DNM3: variants seen among roughly 807,000 people sequenced by gnomAD.
DNM3 encodes the protein dynamin-3.
In DNM3, 47 loss-of-function variants were observed where a neutral mutation model predicts 101.6. The observed-to-expected ratio is 0.46, with a 90% CI of 0.37 to 0.59. The LOEUF (loss-of-function observed/expected upper bound fraction) is 0.59, where lower values mean the gene tolerates loss of function less well. Ranked by LOEUF, DNM3 falls within the 20% of genes least tolerant of loss-of-function variation. DNM3 has a pLI of 0.00. For synonymous variants in DNM3, 385 were observed against 387.9 expected, an observed-to-expected ratio of 0.99 and a Z score of 0.09; for missense variants, 849 against 1,085.7, an observed-to-expected ratio of 0.78 and a Z score of 3.06.
intron 4 of DNM3, among the ~76,000 whole-genome samples, chr1:171,991,891 C>T (rs1378505211): frequency 6.6e-6 from 1 of 152,218 alleles, no homozygotes; most frequent in Non-Finnish European, 1.5e-5. Flanking sequence ...CCAGATGAAG[C>T]TTCATGGAGG....
At position 172,412,321 on chromosome 1, in the gene DNM3, A is replaced by T; in HGVS notation, c.*4480A>T. 2.0e-6 allele frequency: 2 copies of T among 985,504 alleles called. No individual in the cohort carries two copies. The highest frequency in any genetic ancestry group is 2.4e-6 in the Non-Finnish European group (2 of 829,896). 61.0% of individuals were successfully genotyped at this position (985,504 alleles called of 1,614,324 possible). A position where few individuals can be genotyped will look rare whatever the true frequency, so the allele number is the denominator to read the frequency against. ...CTAACCACTTGCCTTGTCTGCTACC[A>T]GTTTGTTAAAAATTATTCCCCCCAA... is the stretch of plus-strand genomic sequence containing the variant. On this transcript the variant is annotated 3_prime_UTR_variant, in exon 21 of 21. Transcript: ENST00000627582.
chr1:172,116,469 G>A (rs903762695), intron 13 of DNM3, among the ~76,000 whole-genome samples: 3 of 152,148 alleles, frequency 2.0e-5, no homozygotes, highest in Admixed American at 6.5e-5. Flanking sequence ...CATTTGGTGC[G>A]AATCCAAAGC....
chr1:172,214,790 A>T (rs1319236671), intron 14 of DNM3, among the ~76,000 whole-genome samples: 5 of 152,106 alleles, frequency 3.3e-5, no homozygotes, highest in African/African-American at 1.2e-4. Flanking sequence ...CAATAGTAAC[A>T]CTGAGAGAAT....
intron 13 of DNM3, among the ~76,000 whole-genome samples, chr1:172,126,553 A>T (rs892770576): frequency 6.6e-6 from 1 of 152,218 alleles, no homozygotes; most frequent in South Asian, 2.1e-4. Flanking sequence ...GGACTAAATG[A>T]TGTTTAATAA....
chr1:172,215,265 A>G (rs1342848048), intron 14 of DNM3, among the ~76,000 whole-genome samples: 2 of 152,098 alleles, frequency 1.3e-5, no homozygotes, highest in African/African-American at 4.8e-5. Flanking sequence ...TGGAACATAT[A>G]AAATAACAAT....
chr1:172,059,007 G>T (rs1441423278), intron 10 of DNM3, among the ~76,000 whole-genome samples: 1 of 152,132 alleles, frequency 6.6e-6, no homozygotes, highest in Non-Finnish European at 1.5e-5. Context: ...AAATGATAAA[G>T]GGGATATCAC....
chr1:172,267,950 G>T (rs2062933412), intron 15 of DNM3, among the ~76,000 whole-genome samples: 1 of 152,154 alleles, frequency 6.6e-6, no homozygotes, highest in Non-Finnish European at 1.5e-5. Flanking sequence ...CTGACCTCGT[G>T]ATTCACCCAC....
intron 14 of DNM3, among the ~76,000 whole-genome samples, chr1:172,213,583 C>T (rs546179298): frequency 2.7e-5 from 4 of 148,690 alleles, no homozygotes; most frequent in Admixed American, 1.3e-4. Flanking sequence ...GTAATCCTAG[C>T]GCTTCAGGAG....
Position 172,334,861 on chromosome 1 carries a change from T to TA in DNM3, c.1893+11530dup, listed in dbSNP as rs540950567. On this transcript the variant is annotated intron_variant, in intron 17 of 20. Coordinates refer to ENST00000627582, the MANE Select transcript of DNM3 (RefSeq NM_015569.5). ...TTGTGAACATATGTCTTTCACTAAATAAAAAAAAACTAATTTTTATAAATT... is the reference window on the plus strand; with the variant it reads ...TTGTGAACATATGTCTTTCACTAAATAAAAAAAAAACTAATTTTTATAAATT... Among the ~76,000 whole-genome samples, 742 of 151,612 alleles carry TA rather than the reference T, an allele frequency of 4.9e-3. 2 individuals are homozygous for TA. Among genetic ancestry groups the TA allele is most frequent in the African/African-American group, 0.011 (475 of 41,374 alleles).
downstream of DNM3, among the ~76,000 whole-genome samples, chr1:172,414,447 G>T (rs981543982): frequency 6.6e-6 from 1 of 152,162 alleles, no homozygotes; most frequent in African/African-American, 2.4e-5. Flanking sequence ...AGACTTCACA[G>T]AAACCTTAAA....
intron 2 of DNM3, among the ~76,000 whole-genome samples, chr1:171,984,045 T>C (rs2045043095): frequency 6.6e-6 from 1 of 152,206 alleles, no homozygotes; most frequent in African/African-American, 2.4e-5. Context: ...GATGCTTCTC[T>C]TTCTCTCATA....
Position 172,071,086 on chromosome 1 carries a change from C to CATATATATATATATATATATAT in DNM3, c.1422+2194_1422+2215dup, listed in dbSNP as rs56255511. The stretch of plus-strand genomic sequence containing the variant: ...GCCTGGGTGACAGAGCAAGACCCTG[C>CATATATATATATATATATATAT]ATATATATATATATATATATATATA... On this transcript the variant is annotated intron_variant, in intron 11 of 20. Coordinates refer to ENST00000627582, the MANE Select transcript of DNM3 (RefSeq NM_015569.5). Among the ~76,000 whole-genome samples, 154 of 65,042 alleles carry CATATATATATATATATATATAT rather than the reference C, an allele frequency of 2.4e-3. 3 individuals are homozygous for CATATATATATATATATATATAT. The highest frequency in any genetic ancestry group is 3.1e-3 in the African/African-American group (41 of 13,020). The allele number at this position is 65,042 out of a possible 152,430, so 42.7% of individuals were successfully genotyped here. A position where few individuals can be genotyped will look rare whatever the true frequency, so the allele number is the denominator to read the frequency against.
Position 172,042,125 on chromosome 1 carries a change from T to C in DNM3, c.1109T>C (p.Phe370Ser). The C allele has an allele frequency of 6.2e-7, 1 of 1,606,812 alleles. No individual in the cohort carries two copies. Among genetic ancestry groups the C allele is most frequent in the Non-Finnish European group, 8.5e-7 (1 of 1,178,060 alleles). The change falls in exon 8 of 21, where the codon TTT becomes TCT. Residue 370 changes from phenylalanine (F) to serine (S), a missense_variant. Physicochemically the swap from Phe to Ser is radical, Grantham distance 155. Transcript: ENST00000627582. The part of the protein sequence containing the change: ...AKINRIFHER[F>S]PFEIVKMEFN... ...ATCAATCGTATTTTTCATGAACGCT[T>C]TCCTTTTGAGATAGTAAAGGTTTGT...
intron 17 of DNM3, among the ~76,000 whole-genome samples, chr1:172,349,449 T>A (rs549315956): frequency 6.6e-6 from 1 of 152,306 alleles, no homozygotes; most frequent in Admixed American, 6.5e-5. Context: ...GCTTTTATAG[T>A]CAGAGGGAAT....
intron 14 of DNM3, among the ~76,000 whole-genome samples, chr1:172,244,552 A>G (rs999977618): frequency 1.3e-5 from 2 of 152,118 alleles, no homozygotes; most frequent in African/African-American, 4.8e-5. Context: ...AAGGACATGA[A>G]CAGACACTTC....
At chr1:172,150,746 G>T (rs2058095486) in intron 14 of DNM3, among the ~76,000 whole-genome samples, 1 of 152,146 alleles carries the variant, frequency 6.6e-6, no homozygotes, top group South Asian at 2.1e-4. Context: ...TAACTTTTCT[G>T]ACCTCTGGTT....
At position 172,410,782 on chromosome 1, in the gene DNM3, G is replaced by A. The variant is rs2149135761; in HGVS notation, c.*2941G>A. On this transcript the variant is annotated 3_prime_UTR_variant, in exon 21 of 21. Coordinates refer to ENST00000627582, the MANE Select transcript of DNM3 (RefSeq NM_015569.5). ...TGAAACCAGTTCCTGTGATGTAACT[G>A]TAAGCCTTCTCGACTTAGACTTAAA... 1 of 985,258 alleles carries A rather than the reference G, an allele frequency of 1.0e-6. No homozygotes were observed. Among genetic ancestry groups the A allele is most frequent in the Non-Finnish European group, 1.2e-6 (1 of 829,810 alleles). The allele number at this position is 985,258 out of a possible 1,614,324, so 61.0% of individuals were successfully genotyped here. A position where few individuals can be genotyped will look rare whatever the true frequency, so the allele number is the denominator to read the frequency against.
chr1:172,284,408 T>A (rs957938882), intron 15 of DNM3, among the ~76,000 whole-genome samples: 1 of 152,214 alleles, frequency 6.6e-6, no homozygotes, highest in African/African-American at 2.4e-5. Context: ...GAAATCTGAA[T>A]AAATGGTTGT....
At chr1:172,265,620 T>C (rs1431808094) in intron 15 of DNM3, among the ~76,000 whole-genome samples, 1 of 152,234 alleles carries the variant, frequency 6.6e-6, no homozygotes, top group East Asian at 1.9e-4. Context: ...TGGCATGGTC[T>C]AAACTAAGGA....
Sources: allele counts gnomAD v4.1 joint callset (sites outside exome capture counted in the v4.1 genomes callset), GRCh38; gene constraint gnomAD v4.1.1; transcripts MANE v1.5; gene names NCBI Gene and HGNC (gene_info 2026-07-23, HGNC 2026-07-21).